The following CNTFR variants were observed in gnomAD, a reference collection of about 807,000 sequenced individuals.
The protein encoded by CNTFR is ciliary neurotrophic factor receptor.
CNTFR carries 12 observed loss-of-function variants against 40.4 expected under a neutral mutation model. The ratio of observed to expected loss-of-function variants is 0.30; its 90% CI spans 0.19 to 0.48. CNTFR has a LOEUF of 0.48. Among genes scored for constraint, CNTFR ranks in the 20% least tolerant of loss-of-function variants. The pLI, the probability that CNTFR is intolerant of heterozygous loss-of-function variation, is 0.99. For synonymous variants in CNTFR, 202 were observed against 209.6 expected (o/e 0.96, Z 0.31); for missense variants, 414 against 506.8 (o/e 0.82, Z 1.76).
rs1424797582 is a variant in CNTFR at position 34,564,664 on chromosome 9, C to G, written c.254G>C (p.Gly85Ala). ...VLHGLELGHS[G>A]LYACFHRDSW... ...GTCACGGTGGAAGCAGGCGTAGAGGCCACTGTGGCCCAGTTCCAGGCCATG... is the reference window on the plus strand; with the variant it reads ...GTCACGGTGGAAGCAGGCGTAGAGGGCACTGTGGCCCAGTTCCAGGCCATG... The change falls in exon 4 of 10, where the codon GGC becomes GCC. Residue 85 changes from glycine (G) to alanine (A), a missense_variant. Physicochemically the swap from Gly to Ala is moderately conservative, Grantham distance 60. Coordinates refer to ENST00000378980, the MANE Select transcript of CNTFR (RefSeq NM_147164.3). 6.2e-7 allele frequency: 1 copy of G among 1,613,600 alleles called. No homozygotes were observed. Among genetic ancestry groups the G allele is most frequent in the East Asian group, 2.2e-5 (1 of 44,872 alleles).
intron 7 of CNTFR, among the ~76,000 whole-genome samples, chr9:34,553,730 C>A (rs950362165): frequency 1.3e-5 from 2 of 152,246 alleles, no homozygotes; most frequent in East Asian, 1.9e-4. Context: ...TGGTCTCCCC[C>A]AACCCTCCAG....
At position 34,557,411 on chromosome 9, in the gene CNTFR, G is replaced by C. The variant is rs1052287850; in HGVS notation, c.604+115C>G. 2.6e-6 allele frequency: 3 copies of C among 1,152,306 alleles called. No homozygotes were observed. Among genetic ancestry groups the C allele is most frequent in the Non-Finnish European group, 3.8e-6 (3 of 797,484 alleles). The allele number at this position is 1,152,306 out of a possible 1,614,324, so 71.4% of individuals were successfully genotyped here. On this transcript the variant is annotated intron_variant, in intron 6 of 9. Coordinates refer to ENST00000378980, the MANE Select transcript of CNTFR (RefSeq NM_147164.3). The surrounding 1 kb of genome is among the most constrained non-coding windows in gnomAD (Gnocchi z 4.2). Reference sequence around the variant, plus strand: ...TGTGCACTGTACATACCTGTGCAGAGGCATGTACATGCCATGTATACATGT... The same window carrying C: ...TGTGCACTGTACATACCTGTGCAGACGCATGTACATGCCATGTATACATGT...
intron 2 of CNTFR, among the ~76,000 whole-genome samples, chr9:34,574,010 G>A (rs909645456): frequency 3.3e-5 from 5 of 152,218 alleles, no homozygotes; most frequent in Admixed American, 6.5e-5. Flanking sequence ...CAGGGCAGGC[G>A]GGAAGCTCCA....
chr9:34,590,547 G>A (rs1379967537), upstream of CNTFR, among the ~76,000 whole-genome samples: 1 of 152,232 alleles, frequency 6.6e-6, no homozygotes, highest in Non-Finnish European at 1.5e-5. Context: ...CCTGCCGGGA[G>A]CCCAGGCCCA....
intron 4 of CNTFR, among the ~76,000 whole-genome samples, chr9:34,559,489 T>C (rs1825981488): frequency 6.6e-6 from 1 of 152,214 alleles, no homozygotes; most frequent in Admixed American, 6.5e-5. Flanking sequence ...ACCTGCATTC[T>C]GCCTTCCACT....
chr9:34,565,929 G>C (rs931608098), intron 3 of CNTFR, among the ~76,000 whole-genome samples: 1 of 151,862 alleles, frequency 6.6e-6, no homozygotes, highest in South Asian at 2.1e-4. Context: ...AGAAGGGAAG[G>C]GGGAGAGGGC....
Position 34,557,555 on chromosome 9 carries a change from G to GTGGC in CNTFR, c.571_574dup (p.Thr192SerfsTer7). The GTGGC allele has an allele frequency of 6.2e-7, 1 of 1,614,208 alleles. No homozygotes were observed. The highest frequency in any genetic ancestry group is 8.5e-7 in the Non-Finnish European group (1 of 1,180,028). ...GGTGAACTCGTCAAAGGTGATAGCTGTGGCATTGTGGCCCAGGGCATTGCT... is the reference window on the plus strand; with the variant it reads ...GGTGAACTCGTCAAAGGTGATAGCTGTGGCTGGCATTGTGGCCCAGGGCATTGCT... On this transcript the variant is annotated frameshift_variant, in exon 6 of 10. Transcript: ENST00000378980. LOFTEE classifies it high-confidence loss of function. This position sits in a 1 kb window ranked among gnomAD's most constrained non-coding sequence, Gnocchi z 4.2.
chr9:34,553,857 G>A (rs554676554), intron 7 of CNTFR, among the ~76,000 whole-genome samples: 1 of 152,348 alleles, frequency 6.6e-6, no homozygotes, highest in African/African-American at 2.4e-5. Context: ...AGGGGCGGAG[G>A]AGGGGGCCGC....
rs988856201 is a variant in CNTFR at position 34,552,027 on chromosome 9, T to C, written c.*44A>G. On this transcript the variant is annotated 3_prime_UTR_variant, in exon 10 of 10. Transcript: ENST00000378980. This position sits in a 1 kb window ranked among gnomAD's most constrained non-coding sequence, Gnocchi z 5.1. ...GTCTGCAGGCTCAGCTCCGGCCTCC[T>C]GCTCCTCTGCAGGTGCTCTGCATGT... 2.6e-6 allele frequency: 3 copies of C among 1,145,726 alleles called. No homozygotes were observed. Among genetic ancestry groups the C allele is most frequent in the Non-Finnish European group, 3.9e-6 (3 of 767,062 alleles). The allele number at this position is 1,145,726 out of a possible 1,614,324, so 71.0% of individuals were successfully genotyped here.
chr9:34,554,176 A>T (rs1446998064), intron 7 of CNTFR, among the ~76,000 whole-genome samples: 1 of 152,066 alleles, frequency 6.6e-6, no homozygotes, highest in East Asian at 1.9e-4. Flanking sequence ...CTTCTCCTGG[A>T]GCCAGGGTCC....
intron 4 of CNTFR, among the ~76,000 whole-genome samples, chr9:34,558,555 C>T (rs776270625): frequency 9.9e-5 from 15 of 152,262 alleles, no homozygotes; most frequent in Non-Finnish European, 1.8e-4. Flanking sequence ...CAGGGGTATA[C>T]GTGCTACATG....
chr9:34,575,931 C>T (rs1235001930), intron 2 of CNTFR, among the ~76,000 whole-genome samples: 1 of 152,112 alleles, frequency 6.6e-6, no homozygotes, highest in Non-Finnish European at 1.5e-5. Context: ...CCCCTTTCCT[C>T]CCCTCCTCAC....
chr9:34,579,570 C>A (rs914147837), intron 2 of CNTFR, among the ~76,000 whole-genome samples: 3 of 151,740 alleles, frequency 2.0e-5, no homozygotes, highest in African/African-American at 7.3e-5. Context: ...CCCACGGAGG[C>A]TGAGATGGAC....
At chr9:34,569,780 G>A (rs779023669) in intron 2 of CNTFR, 1 of 152,238 alleles carries the variant, frequency 6.6e-6, no homozygotes, top group Non-Finnish European at 1.5e-5. Context: ...GCCCACCCTT[G>A]ACCCCAGCCA....
At chr9:34,554,477 C>T (rs752655162) in intron 7 of CNTFR, among the ~76,000 whole-genome samples, 7 of 152,144 alleles carry the variant, frequency 4.6e-5, no homozygotes, top group Non-Finnish European at 1.0e-4. Flanking sequence ...TCAGTGATCC[C>T]TTCATCCTGC....
rs1047510696 is a variant in CNTFR, at chr9:34,558,058, C to G, written c.320-74G>C. ...CCTGCACTGTATGGGGACAGGTGGGCCCCAGAGCCCCAGCTCTCCCCCCTC... is the reference window on the plus strand; with the variant it reads ...CCTGCACTGTATGGGGACAGGTGGGGCCCAGAGCCCCAGCTCTCCCCCCTC... On this transcript the variant is annotated intron_variant, in intron 4 of 9. Coordinates refer to ENST00000378980, the MANE Select transcript of CNTFR (RefSeq NM_147164.3). 15 of 1,043,470 alleles carry G rather than the reference C, an allele frequency of 1.4e-5. 1 individual carries two copies. Among genetic ancestry groups the G allele is most frequent in the African/African-American group, 1.6e-5 (1 of 62,350 alleles). The allele number at this position is 1,043,470 out of a possible 1,614,324, so 64.6% of individuals were successfully genotyped here.
At chr9:34,570,480 G>A (rs577817440) in intron 2 of CNTFR, among the ~76,000 whole-genome samples, 5 of 152,332 alleles carry the variant, frequency 3.3e-5, no homozygotes, top group Admixed American at 3.3e-4. Context: ...CAGAAACAGT[G>A]CCAGAGAAAC....
At chr9:34,554,403 C>G (rs1825754544) in intron 7 of CNTFR, among the ~76,000 whole-genome samples, 1 of 152,166 alleles carries the variant, frequency 6.6e-6, no homozygotes, top group African/African-American at 2.4e-5. Context: ...GAATGTGGCC[C>G]CCAGGAGGTC....
intron 2 of CNTFR, among the ~76,000 whole-genome samples, chr9:34,574,192 G>A (rs1287477339): frequency 6.6e-6 from 1 of 152,100 alleles, no homozygotes; most frequent in Non-Finnish European, 1.5e-5. Context: ...TGGCCCGGCA[G>A]GCCCCTCACC....
Sources: allele counts gnomAD v4.1 joint callset (sites outside exome capture counted in the v4.1 genomes callset), GRCh38; gene constraint gnomAD v4.1.1; non-coding constraint Gnocchi (gnomAD v3.1); transcripts MANE v1.5; gene names NCBI Gene and HGNC (gene_info 2026-07-23, HGNC 2026-07-21).